RYR1: variants seen among roughly 807,000 people sequenced by gnomAD.
The protein encoded by RYR1 is central core disease of muscle.
Under a neutral mutation model 583.5 loss-of-function variants are expected in RYR1, and 342 were observed. The observed-to-expected ratio is 0.59, with a 90% CI of 0.54 to 0.64. The LOEUF (loss-of-function observed/expected upper bound fraction) is 0.64, where lower values mean the gene tolerates loss of function less well. Among genes scored for constraint, RYR1 ranks in the 30% least tolerant of loss-of-function variants. RYR1 has a pLI of 0.00. For missense variants in RYR1, 6,032 were observed against 6,917.2 expected (o/e 0.87, Z 4.54); for synonymous variants, 2,791 against 2,822.5 (o/e 0.99, Z 0.35).
intron 89 of RYR1, among the ~76,000 whole-genome samples, chr19:38,557,760 C>T (rs1972942461): frequency 6.6e-6 from 1 of 151,524 alleles, no homozygotes; most frequent in Non-Finnish European, 1.5e-5. Context: ...GCCAAGATCG[C>T]GTCATTGCAC....
chr19:38,516,363 G>A, intron 65 of RYR1, 146 bp downstream of exon 65: 1 of 891,852 alleles, frequency 1.1e-6, no homozygotes, highest in Non-Finnish European at 1.7e-6. Context: ...ACACATTCAG[G>A]AACCCCAGAG....
chr19:38,539,265 A>G (rs4802587), intron 84 of RYR1, among the ~76,000 whole-genome samples: 3,247 of 138,202 alleles, frequency 0.023, 93 homozygotes, highest in Admixed American at 0.078. Flanking sequence ...TTTTAGACAG[A>G]GTCTCACTCT....
chr19:38,493,516 GTTTT>G (rs58975597), intron 38 of RYR1, among the ~76,000 whole-genome samples: 1 of 115,740 alleles, frequency 8.6e-6, no homozygotes. Flanking sequence ...TTTCTTTTTC[GTTTT>G]TTTTTTTTTT....
At chr19:38,480,302 C>T (rs1968944224) in intron 31 of RYR1, among the ~76,000 whole-genome samples, 1 of 151,714 alleles carries the variant, frequency 6.6e-6, no homozygotes, top group Admixed American at 6.6e-5. Context: ...ACCACCATGC[C>T]TGGCTAATTT....
At chr19:38,470,878 T>C (rs1428395283) in intron 27 of RYR1, among the ~76,000 whole-genome samples, 1 of 152,142 alleles carries the variant, frequency 6.6e-6, no homozygotes, top group Non-Finnish European at 1.5e-5. Context: ...GTCAGAAGGA[T>C]CCTAGAGGTG....
chr19:38,582,999 G>A (rs953012724), intron 101 of RYR1, among the ~76,000 whole-genome samples: 31 of 151,894 alleles, frequency 2.0e-4, no homozygotes, highest in African/African-American at 7.3e-4. Flanking sequence ...CTGGGGACAC[G>A]GAAAGAACAA....
At position 38,543,380 on chromosome 19, in the gene RYR1, A is replaced by T. The variant is rs141803364; in HGVS notation, c.11723A>T (p.Asn3908Ile). 6.2e-7 allele frequency: 1 copy of T among 1,614,234 alleles called. No homozygotes were observed. Residue 3908 changes from asparagine (N) to isoleucine (I), a missense_variant, in exon 85 of 106, where the codon AAC becomes ATC. Asn to Ile is a moderately radical substitution (Grantham distance 149). This residue lies in a region of RYR1 where 1,493 missense variants were observed against 1,715.5 expected (regional missense o/e 0.87). Coordinates refer to ENST00000359596, the MANE Select transcript of RYR1 (RefSeq NM_000540.3). This position sits in a 1 kb window ranked among gnomAD's most constrained non-coding sequence, Gnocchi z 4.4. ...FQNYLRTQTG[N>I]TTTINIIICT... is the part of the protein sequence containing the mutation. Reference sequence around the variant, plus strand: ...AACTACCTACGGACACAGACAGGGAACACGACCACTATTAACATCATCATT... The same window carrying T: ...AACTACCTACGGACACAGACAGGGATCACGACCACTATTAACATCATCATT...
chr19:38,528,820 C>A, intron 75 of RYR1, 125 bp downstream of exon 75: 2 of 1,430,442 alleles, frequency 1.4e-6, no homozygotes, highest in Non-Finnish European at 2.0e-6. Context: ...CAGCTCCTGG[C>A]TTGAGTAGAA....
chr19:38,468,918 T>C, intron 25 of RYR1, 48 bp from the exon 26 acceptor site: 1 of 1,597,668 alleles, frequency 6.3e-7, no homozygotes. Flanking sequence ...ATCTCTCCAT[T>C]TCTCTGTGTG....
chr19:38,496,914 A>C lies in RYR1; in HGVS notation c.6851A>C (p.Asn2284Thr), dbSNP rs779515779. The part of the protein sequence containing the change: ...DVAAASVIDN[N>T]ELALALQEQD... The stretch of plus-strand genomic sequence containing the variant: ...GCTGCTGCCTCCGTCATTGACAACA[A>C]TGAGCTGGCCTTGGCATTGCAGGAG... Residue 2284 changes from asparagine to threonine, a missense_variant, in exon 42 of 106, where the codon AAT becomes ACT. Around this residue, in one of 11 missense-constraint regions of RYR1, gnomAD observed 2,627 missense variants for 2,961.3 expected, o/e 0.89. Coordinates refer to ENST00000359596, the MANE Select transcript of RYR1 (RefSeq NM_000540.3). The surrounding 1 kb of genome is among the most constrained non-coding windows in gnomAD (Gnocchi z 4.8). 6.2e-7 allele frequency: 1 copy of C among 1,613,390 alleles called. No homozygotes were observed. Among genetic ancestry groups the C allele is most frequent in the South Asian group, 1.1e-5 (1 of 91,086 alleles).
intron 25 of RYR1, among the ~76,000 whole-genome samples, chr19:38,468,157 C>T (rs923352108): frequency 1.0e-4 from 15 of 149,990 alleles, no homozygotes; most frequent in Admixed American, 8.7e-4. Flanking sequence ...CCCATCTCTA[C>T]AAAAAATAAA....
rs1025026817 is a variant in RYR1, at chr19:38,460,630, G to A, written c.2577+39G>A. ...TGCAAAGGTTTTCTGGCGAGGCAGGGTCTCTTAGGAGTCAGAGAGGGGGCA... is the reference window on the plus strand; with the variant it reads ...TGCAAAGGTTTTCTGGCGAGGCAGGATCTCTTAGGAGTCAGAGAGGGGGCA... On this transcript the variant is annotated intron_variant, in intron 20 of 105. Transcript: ENST00000359596. 3.2e-6 allele frequency: 5 copies of A among 1,574,124 alleles called. No homozygotes were observed. In the African/African-American group the frequency reaches 6.7e-5, roughly 21 times the overall value.
rs1421642351 is a variant in RYR1, at chr19:38,532,515, A to C, written c.11167A>C (p.Met3723Leu). 1 of 1,614,026 alleles carries C rather than the reference A, an allele frequency of 6.2e-7. No homozygotes were observed. The highest frequency in any genetic ancestry group is 8.5e-7 in the Non-Finnish European group (1 of 1,180,030). ...CAAACTGGATGAGGATTACCTGTAC[A>C]TGGCCTATGCTGATATCATGGCAAA... ...KSKLDEDYLYMAYADIMAKSC... is the reference protein window; with the variant it reads ...KSKLDEDYLYLAYADIMAKSC... Residue 3723 changes from methionine to leucine, a missense_variant, in exon 77 of 106, where the codon ATG (methionine) becomes CTG (leucine). Physicochemically the swap from Met to Leu is conservative, Grantham distance 15. Coordinates refer to ENST00000359596, the MANE Select transcript of RYR1 (RefSeq NM_000540.3).
In RYR1 at chr19:38,510,487, C is replaced by T. The variant is rs1970678285; in HGVS notation, c.8933-11C>T. On this transcript the variant is annotated splice_polypyrimidine_tract_variant and intron_variant, in intron 58 of 105. Coordinates refer to ENST00000359596, the MANE Select transcript of RYR1 (RefSeq NM_000540.3). ...TGAACCCACTGTGAACCCTATTTGC[C>T]CTCCCTACAGAGGCTGTGGTCAGCA... The T allele has an allele frequency of 6.2e-7, 1 of 1,614,128 alleles. No individual in the cohort carries two copies. The highest frequency in any genetic ancestry group is 8.5e-7 in the Non-Finnish European group (1 of 1,180,020).
chr19:38,527,809 C>T (rs1313585053), intron 73 of RYR1, 25 bp downstream of exon 73: 1 of 1,612,352 alleles, frequency 6.2e-7, no homozygotes, highest in South Asian at 1.1e-5. Context: ...AGGGGTCTTT[C>T]TACTGGGTCT....
Position 38,448,769 on chromosome 19 carries a change from G to T in RYR1, c.1078G>T (p.Ala360Ser). ...CTCAGGACTGTGGCTCACCTATGCT[G>T]CTCCAGACCCCAAGGCCCTGCGGCT... ...VASGLWLTYA[A>S]PDPKALRLGV... The change falls in exon 11 of 106, where the codon GCT becomes TCT. Residue 360 changes from alanine to serine, a missense_variant. Ala to Ser is a moderately conservative substitution (Grantham distance 99, BLOSUM62 1). Transcript: ENST00000359596. The T allele has an allele frequency of 6.2e-7, 1 of 1,614,158 alleles. No homozygotes were observed. Among genetic ancestry groups the T allele is most frequent in the African/African-American group, 1.3e-5 (1 of 75,050 alleles).
In RYR1 at chr19:38,442,384, C is replaced by T; in HGVS notation, c.201C>T (p.Val67=). 1 of 1,613,438 alleles carries T rather than the reference C, an allele frequency of 6.2e-7. No homozygotes were observed. ...CCGATCTGGCCATCTGTTGCTTCGTCCTGGAGCAGTCCCTGTCTGTGCGAG... is the reference window on the plus strand; with the variant it reads ...CCGATCTGGCCATCTGTTGCTTCGTTCTGGAGCAGTCCCTGTCTGTGCGAG... ...VPPDLAICCF[V]LEQSLSVRAL... is the part of the protein sequence containing the mutation. Residue 67 remains valine (V), a synonymous_variant, in exon 3 of 106, where the codon GTC becomes GTT. Transcript: ENST00000359596.
In RYR1 at chr19:38,565,702, C is replaced by T. The variant is rs768270824; in HGVS notation, c.13368C>T (p.Asp4456=). The T allele has an allele frequency of 1.4e-6, 2 of 1,421,778 alleles. No homozygotes were observed. Among genetic ancestry groups the T allele is most frequent in the South Asian group, 1.5e-5 (1 of 67,538 alleles). 88.1% of individuals were successfully genotyped at this position (1,421,778 alleles called of 1,614,324 possible). A position where few individuals can be genotyped will look rare whatever the true frequency, so the allele number is the denominator to read the frequency against. The change falls in exon 91 of 106, where the codon GAC becomes GAT. Residue 4456 remains aspartate, a synonymous_variant. Transcript: ENST00000359596. The surrounding 1 kb of genome is among the most constrained non-coding windows in gnomAD (Gnocchi z 4.7). ...FRPEGAGGLG[D]MGDTTPAEPP... ...CCGAAGGGGCTGGCGGTCTCGGGGA[C>T]ATGGGGGACACGACGCCTGCGGAAC... is the stretch of plus-strand genomic sequence containing the variant.
chr19:38,436,311 G>T (rs1033417246), intron 1 of RYR1, among the ~76,000 whole-genome samples: 5 of 151,890 alleles, frequency 3.3e-5, no homozygotes, highest in Admixed American at 6.6e-5. Flanking sequence ...AGGCTCCAGT[G>T]ATCCTCCCAC....
Sources: gnomAD v4.1 joint callset for allele counts (sites outside exome capture counted in the v4.1 genomes callset) on GRCh38, gnomAD v4.1.1 for gene constraint, gnomAD v4.1.1 regional missense constraint, Gnocchi (gnomAD v3.1) non-coding constraint, MANE v1.5 for transcripts, NCBI Gene and HGNC (gene_info 2026-07-23, HGNC 2026-07-21) for gene names.